The following PALM2AKAP2 variants were observed in gnomAD, a reference collection of about 807,000 sequenced individuals.
PALM2AKAP2 encodes PALM2 and AKAP2 fusion.
Under a neutral mutation model 71.5 loss-of-function variants are expected in PALM2AKAP2, and 37 were observed. That is an observed-to-expected ratio of 0.52 (90% confidence interval 0.40 to 0.68). PALM2AKAP2 has a LOEUF of 0.68. Among genes scored for constraint, PALM2AKAP2 ranks in the 30% least tolerant of loss-of-function variants. PALM2AKAP2 has a pLI of 0.00. For synonymous variants in PALM2AKAP2, 468 were observed against 478.8 expected (o/e 0.98, Z 0.29); for missense variants, 1,224 against 1,191.8 (o/e 1.03, Z -0.40).
At chr9:110,147,400 T>C (rs1836203115) in intron 2 of PALM2AKAP2, among the ~76,000 whole-genome samples, 1 of 152,152 alleles carries the variant, frequency 6.6e-6, no homozygotes, top group Non-Finnish European at 1.5e-5. Context: ...TAAACCTCAG[T>C]AAAATAGGAA....
At chr9:110,034,064 T>C (rs1285487542) in intron 7 of PALM2AKAP2, among the ~76,000 whole-genome samples, 1 of 152,222 alleles carries the variant, frequency 6.6e-6, no homozygotes, top group Non-Finnish European at 1.5e-5. Flanking sequence ...CCTAGCATTC[T>C]TCATGTGGTT....
intron 2 of PALM2AKAP2, among the ~76,000 whole-genome samples, chr9:110,151,096 A>C (rs1326613666): frequency 2.0e-5 from 3 of 152,246 alleles, no homozygotes; most frequent in Non-Finnish European, 4.4e-5. Flanking sequence ...TTGGGCCAGA[A>C]AAGTTCCCTG....
At chr9:110,005,029 C>T (rs919831217) in intron 6 of PALM2AKAP2, among the ~76,000 whole-genome samples, 2 of 152,222 alleles carry the variant, frequency 1.3e-5, no homozygotes, top group East Asian at 1.9e-4. Context: ...TCTCTCAACT[C>T]GTCAAAGTCA....
intron 3 of PALM2AKAP2, among the ~76,000 whole-genome samples, chr9:109,919,272 C>A (rs568018150): frequency 5.2e-4 from 79 of 152,278 alleles, no homozygotes; most frequent in Non-Finnish European, 7.5e-4. Context: ...AAGCTGAGGC[C>A]CTGGCCCCTC....
chr9:110,149,950 T>C (rs1836269420), intron 2 of PALM2AKAP2, among the ~76,000 whole-genome samples: 1 of 152,156 alleles, frequency 6.6e-6, no homozygotes, highest in African/African-American at 2.4e-5. Context: ...AAAAGGAGGA[T>C]TGAGACCAGC....
chr9:109,770,255 C>G (rs1280991593), intron 1 of PALM2AKAP2, among the ~76,000 whole-genome samples: 4 of 152,030 alleles, frequency 2.6e-5, no homozygotes, highest in African/African-American at 9.7e-5. Flanking sequence ...ATTCTAAGAC[C>G]CAGAGCAGAT....
rs3062680 is a variant in PALM2AKAP2, at chr9:109,657,452, T to TTGTGTGTGTGTGTGTGTG, written c.5+16596_5+16613dup. 3.4e-3 allele frequency among the ~76,000 whole-genome samples: 506 copies of TTGTGTGTGTGTGTGTGTG among 147,200 alleles called. 5 individuals carry two copies. The highest frequency in any genetic ancestry group is 6.4e-3 in the African/African-American group (253 of 39,316). ...TCTGAGAACAAAAGCAATATGGTAT[T>TTGTGTGTGTGTGTGTGTG]TGTGTGTGTGTGTGTGTGTGTGTGT... On this transcript the variant is annotated intron_variant, in intron 1 of 6. Transcript: ENST00000374531.
At chr9:109,992,163 G>A (rs1354873139) in intron 6 of PALM2AKAP2, among the ~76,000 whole-genome samples, 1 of 152,076 alleles carries the variant, frequency 6.6e-6, no homozygotes, top group East Asian at 1.9e-4. Flanking sequence ...GGGTGCTTCC[G>A]GGCCTCTCTC....
intron 6 of PALM2AKAP2, among the ~76,000 whole-genome samples, chr9:109,938,614 AT>A (rs905951528): frequency 7.2e-5 from 11 of 152,206 alleles, no homozygotes; most frequent in African/African-American, 2.4e-4. Context: ...TAGTAAAACC[AT>A]GTCACATGTG....
chr9:109,956,707 G>A (rs1331531998), intron 6 of PALM2AKAP2, among the ~76,000 whole-genome samples: 1 of 152,056 alleles, frequency 6.6e-6, no homozygotes, highest in Non-Finnish European at 1.5e-5. Flanking sequence ...GTACCAGCTC[G>A]CTCCTGTTAA....
At chr9:109,921,982 A>G (rs1197631259) in intron 3 of PALM2AKAP2, among the ~76,000 whole-genome samples, 1 of 152,174 alleles carries the variant, frequency 6.6e-6, no homozygotes, top group East Asian at 1.9e-4. Context: ...GGAAGGAAAC[A>G]GAAAGGCCAT....
chr9:110,082,065 G>A (rs1313027473), intron 1 of PALM2AKAP2, among the ~76,000 whole-genome samples: 1 of 151,126 alleles, frequency 6.6e-6, no homozygotes, highest in East Asian at 1.9e-4. Context: ...ATATCCCAAG[G>A]TAGTGCAAGC....
intron 1 of PALM2AKAP2, among the ~76,000 whole-genome samples, chr9:110,052,681 T>G (rs1294716800): frequency 3.9e-5 from 6 of 152,256 alleles, no homozygotes; most frequent in African/African-American, 7.2e-5. Flanking sequence ...TCACCCATTG[T>G]TAATGAAAGT....
chr9:109,678,573 G>A (rs957104633), intron 1 of PALM2AKAP2, among the ~76,000 whole-genome samples: 10 of 152,106 alleles, frequency 6.6e-5, no homozygotes, highest in Non-Finnish European at 8.8e-5. Flanking sequence ...ATTTATAATC[G>A]TTAAGATTTT....
intron 1 of PALM2AKAP2, among the ~76,000 whole-genome samples, chr9:109,653,156 A>G (rs77232754): frequency 0.067 from 10,203 of 152,270 alleles, 549 homozygotes; most frequent in African/African-American, 0.15. Context: ...GTGAGGCAGC[A>G]TTGTGGAGAA....
chr9:109,926,579 G>A (rs1041724228), intron 5 of PALM2AKAP2, among the ~76,000 whole-genome samples: 2 of 152,152 alleles, frequency 1.3e-5, no homozygotes, highest in Non-Finnish European at 2.9e-5. Context: ...AAGACCTGAG[G>A]CATGCCACAC....
intron 6 of PALM2AKAP2, among the ~76,000 whole-genome samples, chr9:109,964,415 G>T (rs1831906502): frequency 6.6e-6 from 1 of 152,260 alleles, no homozygotes; most frequent in African/African-American, 2.4e-5. Flanking sequence ...GGGAGCTATT[G>T]CAGGAGACCA....
chr9:110,162,181 T>C (rs894428944), intron 3 of PALM2AKAP2, 49 bp downstream of exon 10: 6 of 1,606,174 alleles, frequency 3.7e-6, no homozygotes, highest in Non-Finnish European at 5.1e-6. Context: ...ATGATCCAGG[T>C]GCATGCTGTT....
intron 1 of PALM2AKAP2, among the ~76,000 whole-genome samples, chr9:110,071,664 C>G (rs1010229628): frequency 6.6e-6 from 1 of 152,196 alleles, no homozygotes; most frequent in Non-Finnish European, 1.5e-5. Flanking sequence ...AATGATTGCT[C>G]TATGCCCTGA....
Sources: allele counts gnomAD v4.1 joint callset (sites outside exome capture counted in the v4.1 genomes callset), GRCh38; gene constraint gnomAD v4.1.1; transcripts MANE v1.5; gene names NCBI Gene and HGNC (gene_info 2026-07-23, HGNC 2026-07-21).